DOCK7: variants seen among roughly 807,000 people sequenced by gnomAD.
DOCK7 encodes the protein dedicator of cytokinesis protein 7.
DOCK7 carries 138 observed loss-of-function variants against 271.0 expected under a neutral mutation model. The ratio of observed to expected loss-of-function variants is 0.51; its 90% confidence interval spans 0.44 to 0.59. DOCK7 has a LOEUF of 0.59. Among genes scored for constraint, DOCK7 ranks in the 20% least tolerant of loss-of-function variants. The pLI is 0.00. For missense variants in DOCK7, 2,066 were observed against 2,592.4 expected (o/e 0.80, Z 4.41); for synonymous variants, 823 against 876.1 (o/e 0.94, Z 1.07).
At chr1:62,485,168 C>A in intron 43 of DOCK7, 1 of 985,284 alleles carries the variant, frequency 1.0e-6, no homozygotes, top group Non-Finnish European at 1.2e-6. Flanking sequence ...AACAAACATG[C>A]TTTTACTTCC....
intron 22 of DOCK7, among the ~76,000 whole-genome samples, chr1:62,549,256 T>C (rs1051825386): frequency 6.6e-6 from 1 of 152,054 alleles, no homozygotes; most frequent in South Asian, 2.1e-4. Context: ...TGCTGGTAGG[T>C]AAAAGTAAGC....
intron 43 of DOCK7, chr1:62,479,830 C>T (rs1223183128): frequency 5.3e-6 from 1 of 189,956 alleles, no homozygotes; most frequent in Non-Finnish European, 1.2e-5. Flanking sequence ...ACTACAGAAG[C>T]ATGCCACCAC....
At chr1:62,558,963 C>T in intron 20 of DOCK7, 26 bp downstream of exon 20, 1 of 1,548,062 alleles carries the variant, frequency 6.5e-7, no homozygotes, top group Non-Finnish European at 8.9e-7. Flanking sequence ...AATTTCACGT[C>T]TCATCCCCAA....
intron 48 of DOCK7, among the ~76,000 whole-genome samples, chr1:62,468,141 G>C (rs994055034): frequency 6.6e-6 from 1 of 152,046 alleles, no homozygotes; most frequent in African/African-American, 2.4e-5. Context: ...TGGGCAGATC[G>C]CCTGAGGTCG....
At position 62,686,641 on chromosome 1, in the gene DOCK7, C is replaced by T. The variant is rs533199676; in HGVS notation, c.38+1586G>A. Among the ~76,000 whole-genome samples the T allele has an allele frequency of 5.9e-5, 9 of 152,246 alleles. 1 individual carries two copies. The highest frequency in any genetic ancestry group is 9.6e-5 in the African/African-American group (4 of 41,536). ...TATAGGCCCTGTACTATCCTACGCA[C>T]ATTACACAAATTATGCCACTTAATG... is the stretch of plus-strand genomic sequence containing the variant. On this transcript the variant is annotated intron_variant, in intron 1 of 49. Coordinates refer to ENST00000635253, the MANE Select transcript of DOCK7 (RefSeq NM_001367561.1).
intron 40 of DOCK7, among the ~76,000 whole-genome samples, chr1:62,493,291 G>C (rs902502887): frequency 5.3e-5 from 8 of 152,184 alleles, no homozygotes; most frequent in African/African-American, 1.9e-4. Flanking sequence ...AATGAGATTG[G>C]AATCAGCCAT....
chr1:62,490,233 G>A (rs1646422923), intron 41 of DOCK7, among the ~76,000 whole-genome samples: 1 of 151,774 alleles, frequency 6.6e-6, no homozygotes, highest in South Asian at 2.1e-4. Context: ...ACCATGCCCA[G>A]CTAATTTTTT....
intron 14 of DOCK7, chr1:62,598,067 T>G (rs372257803): frequency 6.3e-7 from 1 of 1,577,040 alleles, no homozygotes; most frequent in Non-Finnish European, 8.6e-7. Flanking sequence ...TTAAAGTAAG[T>G]AGAAAATAAA....
Position 62,528,189 on chromosome 1 carries a change from G to C in DOCK7, c.3898C>G (p.Gln1300Glu). ...AGGAAACTGCCAGGCCTTGTTAGTTGAGGGACCGATGTCCCTGCGATTGCC... is the reference window on the plus strand; with the variant it reads ...AGGAAACTGCCAGGCCTTGTTAGTTCAGGGACCGATGTCCCTGCGATTGCC... Reference protein sequence around the residue: ...AMAIAGTSVPQLTRPGSFLLT... With the variant: ...AMAIAGTSVPELTRPGSFLLT... The change falls in exon 31 of 50, where the codon CAA (glutamine) becomes GAA (glutamate). Residue 1300 changes from glutamine to glutamate, a missense_variant. Gln to Glu is a conservative substitution (Grantham distance 29). Around this residue, in one of 2 missense-constraint regions of DOCK7, gnomAD observed 1,414 missense variants for 1,670.4 expected, o/e 0.85. Transcript: ENST00000635253. The C allele has an allele frequency of 6.2e-7, 1 of 1,613,596 alleles. No individual in the cohort carries two copies. Among genetic ancestry groups the C allele is most frequent in the Non-Finnish European group, 8.5e-7 (1 of 1,179,742 alleles).
At position 62,559,237 on chromosome 1, in the gene DOCK7, A is replaced by ACAAAAG. The variant is rs1244141954; in HGVS notation, c.2200-23_2200-18dup. ...ATAAGGATCCTAAAACAAAGAATAA[A>ACAAAAG]CAAAAGCACTAAGCACTTATAACTT... On this transcript the variant is annotated splice_polypyrimidine_tract_variant and intron_variant, in intron 19 of 49. Transcript: ENST00000635253. 1 of 1,591,514 alleles carries ACAAAAG rather than the reference A, an allele frequency of 6.3e-7. No individual in the cohort carries two copies. Among genetic ancestry groups the ACAAAAG allele is most frequent in the Non-Finnish European group, 8.6e-7 (1 of 1,161,872 alleles).
intron 18 of DOCK7, among the ~76,000 whole-genome samples, chr1:62,565,135 T>A (rs1000093340): frequency 6.6e-6 from 1 of 152,104 alleles, no homozygotes; most frequent in Admixed American, 6.5e-5. Flanking sequence ...GAAAAGCTGG[T>A]ACCATTCCTT....
chr1:62,547,348 T>A (rs1645744864), intron 22 of DOCK7, among the ~76,000 whole-genome samples: 1 of 152,182 alleles, frequency 6.6e-6, no homozygotes, highest in Admixed American at 6.5e-5. Flanking sequence ...TAACTTTATG[T>A]TTACCAATTT....
rs1553175631 is a variant in DOCK7 at position 62,578,731 on chromosome 1, A to AAAC, written c.2010+96_2010+97insGTT. ...AGACTCTGTCTCAAAAAAAAAAAAA[A>AAAC]AAAAAAAACCCACAAATGACCAGAA... On this transcript the variant is annotated intron_variant, in intron 17 of 49. Transcript: ENST00000635253. The AAAC allele has an allele frequency of 1.9e-5, 20 of 1,026,754 alleles. No homozygotes were observed. The African/African-American group carries it at 2.9e-4, about 15-fold the overall frequency. The allele number at this position is 1,026,754 out of a possible 1,614,324, so 63.6% of individuals were successfully genotyped here. A position where few individuals can be genotyped will look rare whatever the true frequency, so the allele number is the denominator to read the frequency against.
chr1:62,570,813 C>T (rs1379625779), intron 18 of DOCK7, among the ~76,000 whole-genome samples: 1 of 152,114 alleles, frequency 6.6e-6, no homozygotes, highest in Non-Finnish European at 1.5e-5. Flanking sequence ...GTGAAGGATT[C>T]CCTATTTAAT....
chr1:62,485,222 A>G (rs2149277707), intron 43 of DOCK7: 1 of 985,428 alleles, frequency 1.0e-6, no homozygotes, highest in Admixed American at 6.1e-5. Flanking sequence ...AACACTAAAC[A>G]GCCATTAAAG....
chr1:62,507,526 G>A (rs924717243), intron 35 of DOCK7, among the ~76,000 whole-genome samples: 37 of 152,330 alleles, frequency 2.4e-4, no homozygotes, highest in African/African-American at 8.7e-4. Context: ...TGTTACTACA[G>A]AATACTGCCC....
chr1:62,602,731 G>A (rs888120974), intron 14 of DOCK7, among the ~76,000 whole-genome samples: 1 of 151,370 alleles, frequency 6.6e-6, no homozygotes, highest in African/African-American at 2.4e-5. Context: ...ACCACTCCTA[G>A]CATTAGTCAC....
chr1:62,468,002 A>G (rs1287188908), intron 48 of DOCK7, among the ~76,000 whole-genome samples: 1 of 152,176 alleles, frequency 6.6e-6, no homozygotes, highest in East Asian at 1.9e-4. Context: ...TAAAAACAAA[A>G]ATCACATGAT....
chr1:62,491,060 T>A (rs186265336), intron 41 of DOCK7, among the ~76,000 whole-genome samples: 1 of 152,204 alleles, frequency 6.6e-6, no homozygotes, highest in Non-Finnish European at 1.5e-5. Flanking sequence ...AAAACATTCC[T>A]ATGAGGTAGG....
Sources: allele counts gnomAD v4.1 joint callset (sites outside exome capture counted in the v4.1 genomes callset), GRCh38; gene constraint gnomAD v4.1.1; regional missense constraint gnomAD v4.1.1; transcripts MANE v1.5; gene names NCBI Gene and HGNC (gene_info 2026-07-23, HGNC 2026-07-21).